Variants in CD2AP observed in about 807,000 individuals in gnomAD.
The protein encoded by CD2AP is CD2-associated protein.
CD2AP carries 46 observed loss-of-function variants against 85.1 expected under a neutral mutation model. The ratio of observed to expected loss-of-function variants is 0.54; its 90% CI spans 0.43 to 0.69. CD2AP has a LOEUF of 0.69. Ranked by LOEUF, CD2AP falls within the 30% of genes least tolerant of loss-of-function variation. The probability of loss-of-function intolerance (pLI) is 0.00; values close to 1 mark genes in which losing one functional copy is unlikely to be tolerated. For missense variants in CD2AP, 769 were observed against 729.5 expected (o/e 1.05, Z -0.62); for synonymous variants, 255 against 252.9 (o/e 1.01, Z -0.08).
intron 2 of CD2AP, among the ~76,000 whole-genome samples, chr6:47,523,637 GAC>G (rs1766650578): frequency 6.6e-6 from 1 of 152,108 alleles, no homozygotes; most frequent in African/African-American, 2.4e-5. Flanking sequence ...TTCATTCTGT[GAC>G]TTGAGTTATT....
chr6:47,579,237 A>G, intron 8 of CD2AP, 148 bp from the exon 9 acceptor site: 1 of 616,758 alleles, frequency 1.6e-6, no homozygotes, highest in South Asian at 1.8e-5. Flanking sequence ...TGGGAGGCTG[A>G]GTTGGGAGGA....
chr6:47,505,412 T>C (rs1383577503), intron 2 of CD2AP, among the ~76,000 whole-genome samples: 3 of 149,202 alleles, frequency 2.0e-5, no homozygotes, highest in African/African-American at 7.4e-5. Context: ...AAATGAAAAG[T>C]CTCCCATGTC....
chr6:47,492,894 A>G (rs897556750), intron 1 of CD2AP, among the ~76,000 whole-genome samples: 21 of 152,066 alleles, frequency 1.4e-4, no homozygotes, highest in African/African-American at 4.8e-4. Context: ...AATTATACTT[A>G]ATTTTTATTT....
At chr6:47,568,128 T>G (rs1768053646) in intron 5 of CD2AP, among the ~76,000 whole-genome samples, 1 of 152,168 alleles carries the variant, frequency 6.6e-6, no homozygotes, top group Non-Finnish European at 1.5e-5. Flanking sequence ...GCTACCAGGT[T>G]TTTGGCTTTG....
intron 17 of CD2AP, among the ~76,000 whole-genome samples, chr6:47,617,927 C>G (rs1769636869): frequency 6.6e-6 from 1 of 152,154 alleles, no homozygotes; most frequent in Non-Finnish European, 1.5e-5. Context: ...TTGGATTGTC[C>G]TTTTGCCTCA....
chr6:47,553,749 T>A (rs888102035), intron 4 of CD2AP, among the ~76,000 whole-genome samples: 1 of 152,136 alleles, frequency 6.6e-6, no homozygotes, highest in African/African-American at 2.4e-5. Context: ...ATATTAAAAA[T>A]TTCATAGAAA....
intron 2 of CD2AP, among the ~76,000 whole-genome samples, chr6:47,530,484 A>G (rs1766844319): frequency 6.6e-6 from 1 of 152,312 alleles, no homozygotes; most frequent in Middle Eastern, 3.4e-3. Context: ...GCTTCTTTCA[A>G]TCAGAATTAG....
chr6:47,587,358 A>G (rs1297117390), intron 11 of CD2AP, among the ~76,000 whole-genome samples: 22 of 152,138 alleles, frequency 1.4e-4, no homozygotes, highest in Non-Finnish European at 2.5e-4. Context: ...TCACCCCTCT[A>G]TTTTGGACTC....
chr6:47,485,033 C>G (rs1324341781), intron 1 of CD2AP, among the ~76,000 whole-genome samples: 4 of 152,086 alleles, frequency 2.6e-5, no homozygotes, highest in Non-Finnish European at 4.4e-5. Flanking sequence ...ATGCTGGTGT[C>G]AACAAACCCG....
At chr6:47,547,507 A>G (rs1767396855) in intron 4 of CD2AP, among the ~76,000 whole-genome samples, 1 of 152,062 alleles carries the variant, frequency 6.6e-6, no homozygotes, top group South Asian at 2.1e-4. Context: ...TATGCACCTA[A>G]CACTGGAGCT....
chr6:47,529,976 C>T (rs907395992), intron 2 of CD2AP, among the ~76,000 whole-genome samples: 3 of 152,150 alleles, frequency 2.0e-5, no homozygotes, highest in Non-Finnish European at 4.4e-5. Context: ...CATTGCCTTC[C>T]GGCCTGCTCA....
intron 5 of CD2AP, among the ~76,000 whole-genome samples, chr6:47,573,597 T>C (rs1768215871): frequency 6.7e-6 from 1 of 149,844 alleles, no homozygotes; most frequent in African/African-American, 2.5e-5. Flanking sequence ...CACGCCATTC[T>C]CCTGCCTTAG....
At chr6:47,602,285 G>A (rs1414477777) in intron 13 of CD2AP, among the ~76,000 whole-genome samples, 4 of 151,542 alleles carry the variant, frequency 2.6e-5, no homozygotes. Context: ...CATATATAAT[G>A]TAGTTTTATA....
intron 2 of CD2AP, among the ~76,000 whole-genome samples, chr6:47,510,017 C>T (rs933779115): frequency 6.6e-6 from 1 of 151,862 alleles, no homozygotes; most frequent in South Asian, 2.1e-4. Flanking sequence ...TTTTTCTTTC[C>T]TGTTTCAGTA....
At chr6:47,496,053 T>C (rs1039336235) in intron 1 of CD2AP, among the ~76,000 whole-genome samples, 1 of 152,208 alleles carries the variant, frequency 6.6e-6, no homozygotes, top group Admixed American at 6.5e-5. Flanking sequence ...TACTTACCAC[T>C]TCTTTTGTTT....
At chr6:47,595,455 CTTG>C (rs1339028710) in intron 11 of CD2AP, among the ~76,000 whole-genome samples, 1 of 151,732 alleles carries the variant, frequency 6.6e-6, no homozygotes, top group Non-Finnish European at 1.5e-5. Context: ...TGAGTTTCTA[CTTG>C]TTTTTAGTTC....
chr6:47,528,446 A>G (rs372921020), intron 2 of CD2AP, among the ~76,000 whole-genome samples: 4 of 152,218 alleles, frequency 2.6e-5, no homozygotes, highest in African/African-American at 9.6e-5. Context: ...AAGTGCTGGG[A>G]TTATAGGCAT....
At chr6:47,495,535 C>T (rs1052100176) in intron 1 of CD2AP, among the ~76,000 whole-genome samples, 1 of 152,168 alleles carries the variant, frequency 6.6e-6, no homozygotes, top group Non-Finnish European at 1.5e-5. Context: ...TAGGAGACTA[C>T]TAGTGTTCCT....
intron 5 of CD2AP, among the ~76,000 whole-genome samples, chr6:47,557,839 T>C (rs907531899): frequency 1.6e-4 from 24 of 152,222 alleles, no homozygotes; most frequent in African/African-American, 4.8e-4. Flanking sequence ...AAACATAAAG[T>C]AGTTTTTTTC....
Sources: allele counts gnomAD v4.1 joint callset (sites outside exome capture counted in the v4.1 genomes callset), GRCh38; gene constraint gnomAD v4.1.1; transcripts MANE v1.5; gene names NCBI Gene and HGNC (gene_info 2026-07-23, HGNC 2026-07-21).